ADGRL2: variants seen among roughly 807,000 people sequenced by gnomAD.
ADGRL2 encodes adhesion G protein-coupled receptor L2.
ADGRL2 carries 44 observed loss-of-function variants against 157.4 expected under a neutral mutation model. The ratio of observed to expected loss-of-function variants is 0.28; its 90% confidence interval spans 0.22 to 0.36. ADGRL2 has a LOEUF of 0.36. Among genes scored for constraint, ADGRL2 ranks in the 10% least tolerant of loss-of-function variants. ADGRL2 has a pLI of 1.00. For synonymous variants in ADGRL2, 585 were observed against 624.7 expected (o/e 0.94, Z 0.95); for missense variants, 1,510 against 1,768.9 (o/e 0.85, Z 2.63).
chr1:81,763,935 G>A (rs1220010281), intron 2 of ADGRL2, among the ~76,000 whole-genome samples: 1 of 152,112 alleles, frequency 6.6e-6, no homozygotes, highest in African/African-American at 2.4e-5. Flanking sequence ...GAACCCAGGA[G>A]GCGGATGTTG....
At chr1:81,965,116 G>A (rs1260980117) in intron 11 of ADGRL2, among the ~76,000 whole-genome samples, 1 of 152,040 alleles carries the variant, frequency 6.6e-6, no homozygotes, top group Non-Finnish European at 1.5e-5. Context: ...TTGTATTGAC[G>A]TGTTTTCCTT....
At chr1:81,923,314 T>A (rs2095032064) in intron 3 of ADGRL2, among the ~76,000 whole-genome samples, 2 of 152,190 alleles carry the variant, frequency 1.3e-5, no homozygotes, top group South Asian at 4.1e-4. Context: ...GATTAAAGAT[T>A]AGTTCAGATT....
At chr1:81,792,120 G>T (rs1268742329) in intron 2 of ADGRL2, among the ~76,000 whole-genome samples, 1 of 152,118 alleles carries the variant, frequency 6.6e-6, no homozygotes, top group Non-Finnish European at 1.5e-5. Context: ...CTGAATTGAG[G>T]AAAGCAGGTT....
In ADGRL2 at chr1:81,432,689, C is replaced by A. The variant is rs140726467; in HGVS notation, c.-301-12347C>A. ...CCCCCTCCTCGGCGCCGCTCCCCTC[C>A]CCAGCCCATTTTCAGACAGGAGGTC... is the stretch of plus-strand genomic sequence containing the variant. On this transcript the variant is annotated intron_variant, in intron 1 of 24. Coordinates refer to the ADGRL2 transcript ENST00000370721. 1.7e-3 allele frequency among the ~76,000 whole-genome samples: 257 copies of A among 152,290 alleles called. 2 individuals are homozygous for A. Among genetic ancestry groups the A allele is most frequent in the Admixed American group, 0.014 (219 of 15,294 alleles).
intron 2 of ADGRL2, among the ~76,000 whole-genome samples, chr1:81,522,433 A>C (rs1417443874): frequency 6.6e-6 from 1 of 152,310 alleles, no homozygotes; most frequent in East Asian, 1.9e-4. Context: ...TACTAGAGGA[A>C]CATTATAAAT....
At chr1:81,520,932 G>T (rs994208621) in intron 2 of ADGRL2, among the ~76,000 whole-genome samples, 2 of 152,172 alleles carry the variant, frequency 1.3e-5, no homozygotes, top group Non-Finnish European at 2.9e-5. Flanking sequence ...GACCAATACG[G>T]CTACTTGATT....
chr1:81,545,404 C>T (rs1458859904), intron 2 of ADGRL2, among the ~76,000 whole-genome samples: 1 of 151,780 alleles, frequency 6.6e-6, no homozygotes, highest in Non-Finnish European at 1.5e-5. Flanking sequence ...CTCCTGCCTC[C>T]CCAGTAGCTG....
intron 1 of ADGRL2, among the ~76,000 whole-genome samples, chr1:81,386,840 C>T (rs1290744788): frequency 2.0e-5 from 3 of 152,034 alleles, no homozygotes; most frequent in Admixed American, 6.6e-5. Flanking sequence ...TTAACATATG[C>T]TGTACCATCA....
At chr1:81,821,116 A>C (rs1349271807) in intron 1 of ADGRL2, among the ~76,000 whole-genome samples, 1 of 152,196 alleles carries the variant, frequency 6.6e-6, no homozygotes, top group East Asian at 1.9e-4. Flanking sequence ...GGTTGTCAAT[A>C]CTGTAGTTGT....
intron 2 of ADGRL2, among the ~76,000 whole-genome samples, chr1:81,859,892 C>A (rs1239414220): frequency 1.3e-5 from 2 of 151,656 alleles, no homozygotes; most frequent in African/African-American, 4.8e-5. Context: ...CTTCCAGAAA[C>A]TAACATTTTC....
chr1:81,778,015 A>C (rs1327333136), intron 2 of ADGRL2, among the ~76,000 whole-genome samples: 1 of 151,858 alleles, frequency 6.6e-6, no homozygotes, highest in Non-Finnish European at 1.5e-5. Flanking sequence ...TCAGTTATGA[A>C]CACACATAAA....
chr1:81,848,953 T>C (rs1456486526), intron 2 of ADGRL2, among the ~76,000 whole-genome samples: 2 of 151,960 alleles, frequency 1.3e-5, no homozygotes, highest in East Asian at 3.9e-4. Flanking sequence ...CAGGTATGTG[T>C]TTTGGACATT....
chr1:81,741,478 T>C (rs896076076), intron 1 of ADGRL2, among the ~76,000 whole-genome samples: 1 of 152,084 alleles, frequency 6.6e-6, no homozygotes, highest in African/African-American at 2.4e-5. Flanking sequence ...ATATATTCAA[T>C]TAAATTTCGT....
chr1:81,982,499 C>G (rs1661953656), intron 19 of ADGRL2, among the ~76,000 whole-genome samples: 1 of 151,882 alleles, frequency 6.6e-6, no homozygotes, highest in Non-Finnish European at 1.5e-5. Context: ...ATGAAACTTA[C>G]AGATGAAAAG....
intron 2 of ADGRL2, among the ~76,000 whole-genome samples, chr1:81,778,290 CCA>C (rs2086674997): frequency 1.3e-5 from 2 of 150,464 alleles, no homozygotes; most frequent in Admixed American, 1.3e-4. Context: ...CCACTGCACT[CCA>C]GCCTGGGCGA....
chr1:81,847,577 T>G (rs922897784), intron 2 of ADGRL2, among the ~76,000 whole-genome samples: 1 of 151,934 alleles, frequency 6.6e-6, no homozygotes, highest in Admixed American at 6.6e-5. Flanking sequence ...GAAACTTTAC[T>G]GAACATTTTT....
chr1:81,952,431 C>T (rs1652131707), intron 9 of ADGRL2, among the ~76,000 whole-genome samples: 1 of 152,030 alleles, frequency 6.6e-6, no homozygotes, highest in African/African-American at 2.4e-5. Context: ...GCATTATCTG[C>T]ACTTGGAGAG....
At chr1:81,691,858 A>G (rs2083341314) in intron 3 of ADGRL2, among the ~76,000 whole-genome samples, 1 of 136,194 alleles carries the variant, frequency 7.3e-6, no homozygotes, top group East Asian at 2.1e-4. Flanking sequence ...TGGCATATAT[A>G]TATATATGGG....
At chr1:81,356,952 CAAA>C (rs757239865) in intron 1 of ADGRL2, among the ~76,000 whole-genome samples, 7 of 55,678 alleles carry the variant, frequency 1.3e-4, no homozygotes, top group South Asian at 9.5e-4. Context: ...GACTCCGTCT[CAAA>C]AAAAAAAAAA....
Sources: allele counts gnomAD v4.1 joint callset (sites outside exome capture counted in the v4.1 genomes callset), GRCh38; gene constraint gnomAD v4.1.1; transcripts MANE v1.5; gene names NCBI Gene and HGNC (gene_info 2026-07-23, HGNC 2026-07-21).